The following AMZ2 variants were observed in gnomAD, a reference collection of about 807,000 sequenced individuals.
AMZ2 encodes the protein archaelysin family metallopeptidase 2, also known as archaemetzincin-2.
AMZ2 carries 26 observed loss-of-function variants against 36.7 expected under a neutral mutation model. That is an observed-to-expected ratio of 0.71 (90% CI 0.52 to 0.98). The LOEUF (loss-of-function observed/expected upper bound fraction) is 0.98. AMZ2 is among the 50% of genes least tolerant of loss of function. AMZ2 has a pLI of 0.00. For synonymous variants in AMZ2, 144 were observed against 149.1 expected, an observed-to-expected ratio of 0.97 and a Z score of 0.25; for missense variants, 394 against 430.5, an observed-to-expected ratio of 0.92 and a Z score of 0.75.
chr17:68,247,583 A>T (rs2074083690), upstream of AMZ2: 1 of 962,798 alleles, frequency 1.0e-6, no homozygotes, highest in Non-Finnish European at 1.2e-6. Flanking sequence ...CAAATAAAGA[A>T]GGGAAAGTGC....
chr17:68,250,481 G>T lies in AMZ2; in HGVS notation c.283+11G>T, dbSNP rs782346491. 6.2e-7 allele frequency: 1 copy of T among 1,611,074 alleles called. No homozygotes were observed. Among genetic ancestry groups the T allele is most frequent in the South Asian group, 1.1e-5 (1 of 90,928 alleles). The stretch of plus-strand genomic sequence containing the variant: ...ATATACAGTCCATTGGTAAATACTG[G>T]TAATGTGCTGGTTTTGGTTCAGTTT... On this transcript the variant is annotated intron_variant, in intron 2 of 6. Transcript: ENST00000359904.
At chr17:68,247,696 C>T, upstream of AMZ2, 2 of 985,504 alleles carry the variant, frequency 2.0e-6, no homozygotes, top group Non-Finnish European at 2.4e-6. Flanking sequence ...CCGGCGATGC[C>T]TCTCAAACCC....
At chr17:68,229,249 C>A (rs2073599881) in intron 1 of AMZ2, among the ~76,000 whole-genome samples, 1 of 152,124 alleles carries the variant, frequency 6.6e-6, no homozygotes, top group African/African-American at 2.4e-5. Flanking sequence ...TCAAACGCAG[C>A]CCCCCATGAT....
chr17:68,213,217 T>G (rs1225135408), intron 1 of AMZ2, among the ~76,000 whole-genome samples: 1 of 152,230 alleles, frequency 6.6e-6, no homozygotes, highest in African/African-American at 2.4e-5. Context: ...GGTTTTAGAT[T>G]TGCTGTGCAC....
In AMZ2 at chr17:68,248,881, A is replaced by G. The variant is rs115511694; in HGVS notation, c.-1+176A>G. ...TTCAACCCCAGAATTTATAGGTTCA[A>G]TCAGAACAGACATTAGCTTAAGTTT... On this transcript the variant is annotated intron_variant, in intron 1 of 6. Coordinates refer to ENST00000359904, the MANE Select transcript of AMZ2 (RefSeq NM_016627.5). 5.8e-3 allele frequency: 4,013 copies of G among 686,318 alleles called. 110 individuals carry two copies. In the African/African-American group the frequency reaches 0.066, roughly 11 times the overall value. 42.5% of individuals were successfully genotyped at this position (686,318 alleles called of 1,614,324 possible).
At chr17:68,251,016 A>G (rs1568378210) in intron 3 of AMZ2, 34 bp from the exon 4 acceptor site, 1 of 1,607,446 alleles carries the variant, frequency 6.2e-7, no homozygotes, top group Admixed American at 1.7e-5. Flanking sequence ...TATATAATAT[A>G]CACTCATACA....
chr17:68,209,255 G>A (rs1344520445), intron 1 of AMZ2, among the ~76,000 whole-genome samples: 10 of 150,442 alleles, frequency 6.6e-5, no homozygotes, highest in African/African-American at 2.5e-4. Flanking sequence ...GTGCAATGGC[G>A]CGATCTTGGC....
At chr17:68,253,753 C>T (rs1555741076) in intron 4 of AMZ2, among the ~76,000 whole-genome samples, 1 of 119,984 alleles carries the variant, frequency 8.3e-6, no homozygotes, top group African/African-American at 3.8e-5. Flanking sequence ...TCCTATTGTT[C>T]ATGTGATTTT....
intron 4 of AMZ2, among the ~76,000 whole-genome samples, chr17:68,253,561 G>T (rs1186970468): frequency 3.3e-5 from 5 of 152,138 alleles, no homozygotes; most frequent in Non-Finnish European, 7.3e-5. Context: ...TCTTTGAAAA[G>T]GGGGTAGGGT....
intron 1 of AMZ2, among the ~76,000 whole-genome samples, chr17:68,233,870 C>T (rs1456060065): frequency 1.3e-4 from 19 of 151,988 alleles, no homozygotes; most frequent in Non-Finnish European, 1.5e-5. Context: ...CACAGGTGCA[C>T]GCCACCACAC....
chr17:68,248,129 T>C lies in AMZ2; in HGVS notation c.-577T>C, dbSNP rs1555736864. Reference sequence around the variant, plus strand: ...CTGTCGGGTCAGGGCGGTTCGCGGGTGCTGTCAGAGCTGGGCCGGGGCCCC... The same window carrying C: ...CTGTCGGGTCAGGGCGGTTCGCGGGCGCTGTCAGAGCTGGGCCGGGGCCCC... On this transcript the variant is annotated 5_prime_UTR_variant, in exon 1 of 7. Transcript: ENST00000359904. The C allele has an allele frequency of 1.0e-6, 1 of 986,410 alleles. No individual in the cohort carries two copies. The highest frequency in any genetic ancestry group is 1.7e-5 in the African/African-American group (1 of 57,352). The allele number at this position is 986,410 out of a possible 1,614,324, so 61.1% of individuals were successfully genotyped here.
chr17:68,210,985 A>C (rs2073029518), intron 1 of AMZ2, among the ~76,000 whole-genome samples: 1 of 151,562 alleles, frequency 6.6e-6, no homozygotes, highest in South Asian at 2.1e-4. Context: ...TTAGAGTGTA[A>C]ATTTTATGTT....
At chr17:68,210,347 T>C (rs1367171171) in intron 1 of AMZ2, among the ~76,000 whole-genome samples, 10 of 152,230 alleles carry the variant, frequency 6.6e-5, no homozygotes, top group Non-Finnish European at 1.5e-4. Context: ...AACAGATACA[T>C]TATTCAGCCT....
chr17:68,210,871 C>A (rs1192914966), intron 1 of AMZ2, among the ~76,000 whole-genome samples: 3 of 149,386 alleles, frequency 2.0e-5, no homozygotes, highest in African/African-American at 7.5e-5. Context: ...TCACCTGAGC[C>A]CAAGGAGGTT....
chr17:68,242,234 A>T (rs1458809738), intron 1 of AMZ2, among the ~76,000 whole-genome samples: 9 of 152,198 alleles, frequency 5.9e-5, no homozygotes, highest in Non-Finnish European at 1.3e-4. Context: ...GAAAGCATGG[A>T]GAAGCTGTTA....
intron 5 of AMZ2, among the ~76,000 whole-genome samples, chr17:68,255,292 A>ATC (rs2074809656): frequency 6.6e-6 from 1 of 151,752 alleles, no homozygotes; most frequent in Admixed American, 6.6e-5. Flanking sequence ...CCTAGTGTAG[A>ATC]TCAAGGGTTC....
At chr17:68,222,091 C>T (rs116716997) in intron 1 of AMZ2, among the ~76,000 whole-genome samples, 3,243 of 152,316 alleles carry the variant, frequency 0.021, 122 homozygotes, top group African/African-American at 0.072. Flanking sequence ...GAAAACTGGA[C>T]GGAGCACTTG....
intron 1 of AMZ2, among the ~76,000 whole-genome samples, chr17:68,231,737 C>T (rs1259739660): frequency 6.6e-6 from 1 of 152,080 alleles, no homozygotes; most frequent in Non-Finnish European, 1.5e-5. Context: ...GTTACATGAG[C>T]AATCATGAGG....
chr17:68,208,524 C>A (rs183056170), intron 1 of AMZ2, among the ~76,000 whole-genome samples: 1 of 152,104 alleles, frequency 6.6e-6, no homozygotes, highest in Non-Finnish European at 1.5e-5. Context: ...AGAGACCACT[C>A]GGCTCTCTGT....
Sources: allele counts gnomAD v4.1 joint callset (sites outside exome capture counted in the v4.1 genomes callset), GRCh38; gene constraint gnomAD v4.1.1; transcripts MANE v1.5; gene names NCBI Gene and HGNC (gene_info 2026-07-23, HGNC 2026-07-21).